The following MTCL1 variants were observed in gnomAD, a reference collection of about 807,000 sequenced individuals.
MTCL1 encodes the protein microtubule cross-linking factor 1.
MTCL1 carries 79 observed loss-of-function variants against 141.4 expected under a neutral mutation model. That is an observed-to-expected ratio of 0.56 (90% CI 0.47 to 0.67). MTCL1 has a LOEUF of 0.67. MTCL1 is among the 30% of genes least tolerant of loss of function. MTCL1 has a pLI of 0.00. For missense variants in MTCL1, 2,177 were observed against 2,113.9 expected (o/e 1.03, Z -0.59); for synonymous variants, 914 against 875.8 (o/e 1.04, Z -0.77).
intron 4 of MTCL1, among the ~76,000 whole-genome samples, chr18:8,757,573 A>C (rs537903548): frequency 1.3e-5 from 2 of 152,352 alleles, no homozygotes; most frequent in South Asian, 4.1e-4. Context: ...ACTGACAATC[A>C]GTCAGCAGTG....
chr18:8,785,012 GTTTT>G (rs66769622), intron 6 of MTCL1, among the ~76,000 whole-genome samples, 169 bp downstream of exon 5: 2 of 145,960 alleles, frequency 1.4e-5, no homozygotes, highest in South Asian at 4.3e-4. Flanking sequence ...GTTGGGCTCC[GTTTT>G]TTTTGTTTTT....
At chr18:8,725,790 C>CTTTTTTT (rs796484848) in intron 4 of MTCL1, among the ~76,000 whole-genome samples, 13 of 61,090 alleles carry the variant, frequency 2.1e-4, no homozygotes, top group South Asian at 5.2e-4. Flanking sequence ...TTTTTTTTTT[C>CTTTTTTT]TTTTTTTTTT....
intron 4 of MTCL1, among the ~76,000 whole-genome samples, chr18:8,735,717 C>G (rs1339828021): frequency 2.0e-5 from 3 of 152,062 alleles, no homozygotes; most frequent in East Asian, 1.9e-4. Flanking sequence ...AGTGAAGGCC[C>G]GCTGAGAGCC....
chr18:8,805,041 A>C (rs1413631228), intron 10 of MTCL1, among the ~76,000 whole-genome samples: 1 of 150,626 alleles, frequency 6.6e-6, no homozygotes, highest in African/African-American at 2.4e-5. Context: ...AACTATGGAG[A>C]TCTCTATAAT....
In MTCL1 at chr18:8,802,686, T is replaced by G. The variant is rs192816220; in HGVS notation, c.2437-4207T>G. Among the ~76,000 whole-genome samples the G allele has an allele frequency of 2.0e-5, 3 of 152,194 alleles. No homozygotes were observed. The East Asian group carries it at 5.8e-4, about 29-fold the overall frequency. ...AAAAAGTTTGACATATTATAGCACATTGTAAGTCTCACTCAAGAGAGCTGA... is the reference window on the plus strand; with the variant it reads ...AAAAAGTTTGACATATTATAGCACAGTGTAAGTCTCACTCAAGAGAGCTGA... On this transcript the variant is annotated intron_variant, in intron 10 of 16. Transcript: ENST00000359865.
rs2096301115 is a variant in MTCL1, at chr18:8,741,169, G to C, written c.357+20673G>C. Among the ~76,000 whole-genome samples, 3 of 151,590 alleles carry C rather than the reference G, an allele frequency of 2.0e-5. No homozygotes were observed. In the South Asian group the frequency reaches 6.2e-4, roughly 31 times the overall value. On this transcript the variant is annotated intron_variant, in intron 4 of 16. Coordinates refer to ENST00000359865, the Ensembl canonical transcript of MTCL1. ...GATGGGGAACACTTTGAAGTGGGAT[G>C]GGTGGAAGGAGTTTGAAGATTGTCT...
At chr18:8,831,078 G>A (rs1316801647) in intron 16 of MTCL1, 3 of 985,840 alleles carry the variant, frequency 3.0e-6, no homozygotes, top group Non-Finnish European at 2.4e-6. Flanking sequence ...GCTACTCCCA[G>A]TCAATTTCAA....
intron 1 of MTCL1, chr18:8,707,227 G>C (rs1436552772): frequency 6.5e-6 from 1 of 152,840 alleles, no homozygotes; most frequent in Non-Finnish European, 1.5e-5. Flanking sequence ...GGTCTCCTGG[G>C]CTCCGACATC....
chr18:8,809,911 G>T (rs1278087382), intron 11 of MTCL1: 5 of 275,328 alleles, frequency 1.8e-5, no homozygotes, highest in Non-Finnish European at 2.1e-5. Flanking sequence ...GGAGGACGCT[G>T]CAGGACTGTG....
At position 8,822,551 on chromosome 18, in the gene MTCL1, G is replaced by A. The variant is rs558163670; in HGVS notation, c.3188+1053G>A. The stretch of plus-strand genomic sequence containing the variant: ...GGTGATCCACCCGCCTCAGCCTCCC[G>A]AAGTGCTGGGATTACAGGCGTGAGC... On this transcript the variant is annotated intron_variant, in intron 14 of 16. Coordinates refer to ENST00000359865, the Ensembl canonical transcript of MTCL1. This position sits in a 1 kb window ranked among gnomAD's most constrained non-coding sequence, Gnocchi z 4.6. Among the ~76,000 whole-genome samples, 9 of 152,036 alleles carry A rather than the reference G, an allele frequency of 5.9e-5. No homozygotes were observed. Among genetic ancestry groups the A allele is most frequent in the African/African-American group, 9.7e-5 (4 of 41,386 alleles).
At chr18:8,798,561 G>A (rs979690890) in intron 10 of MTCL1, among the ~76,000 whole-genome samples, 6 of 152,118 alleles carry the variant, frequency 3.9e-5, no homozygotes, top group Admixed American at 6.5e-5. Flanking sequence ...GCTGCGTGTC[G>A]CTGCTGGGGC....
At chr18:8,746,415 G>T (rs975049047) in intron 4 of MTCL1, among the ~76,000 whole-genome samples, 8 of 152,172 alleles carry the variant, frequency 5.3e-5, no homozygotes, top group East Asian at 1.9e-4. Flanking sequence ...TTGTTCGGTT[G>T]TGAGGACTTG....
chr18:8,718,391 G>C (rs913383571), intron 2 of MTCL1, 33 bp from the exon 2 acceptor site: 7 of 1,596,682 alleles, frequency 4.4e-6, no homozygotes, highest in Non-Finnish European at 6.0e-6. Context: ...TGATGTACTT[G>C]GCTCATAAAT....
chr18:8,795,877 G>C (rs964560137), intron 8 of MTCL1, among the ~76,000 whole-genome samples: 1 of 152,168 alleles, frequency 6.6e-6, no homozygotes, highest in East Asian at 1.9e-4. Context: ...TGTACAGAGG[G>C]GAAGTGGAAT....
intron 4 of MTCL1, among the ~76,000 whole-genome samples, chr18:8,733,270 CATAA>C (rs1462667093): frequency 6.6e-6 from 1 of 152,114 alleles, no homozygotes; most frequent in Admixed American, 6.5e-5. Context: ...AGCTTTTTTT[CATAA>C]ATGAGAGAAA....
In MTCL1 at chr18:8,810,623, G is replaced by A. The variant is rs1450804208; in HGVS notation, c.2605-2356G>A. Among the ~76,000 whole-genome samples, 1 of 152,198 alleles carries A rather than the reference G, an allele frequency of 6.6e-6. No homozygotes were observed. The highest frequency in any genetic ancestry group is 6.5e-5 in the Admixed American group (1 of 15,284). On this transcript the variant is annotated intron_variant, in intron 11 of 16. Coordinates refer to ENST00000359865, the Ensembl canonical transcript of MTCL1. This position sits in a 1 kb window ranked among gnomAD's most constrained non-coding sequence, Gnocchi z 5.0. ...GTACGTGCGAGGGGCTCAGCAGCCT[G>A]TCTTTCATTCTGGGTTACGTGGACT...
chr18:8,721,443 TAAC>T (rs138539354), intron 4 of MTCL1, among the ~76,000 whole-genome samples: 35,050 of 152,030 alleles, frequency 0.23, 5,122 homozygotes, highest in Admixed American at 0.38. Flanking sequence ...GGCCCACAGA[TAAC>T]AAAACAAACA....
intron 4 of MTCL1, among the ~76,000 whole-genome samples, chr18:8,759,118 A>G (rs1286440290): frequency 2.0e-5 from 3 of 152,224 alleles, no homozygotes; most frequent in Non-Finnish European, 4.4e-5. Flanking sequence ...CCTGTGAGCA[A>G]AGTCTTCGTG....
chr18:8,794,520 G>T (rs1007092902), intron 8 of MTCL1, among the ~76,000 whole-genome samples: 2 of 152,212 alleles, frequency 1.3e-5, no homozygotes, highest in African/African-American at 4.8e-5. Context: ...CTCCCGTGGT[G>T]CGGGTCCGGG....
Sources: allele counts gnomAD v4.1 joint callset (sites outside exome capture counted in the v4.1 genomes callset), GRCh38; gene constraint gnomAD v4.1.1; non-coding constraint Gnocchi (gnomAD v3.1); transcripts MANE v1.5; gene names NCBI Gene and HGNC (gene_info 2026-07-23, HGNC 2026-07-21).